SMIM14: variants seen among roughly 807,000 people sequenced by gnomAD.
SMIM14 encodes chromosome 4 open reading frame 34.
SMIM14 carries 5 observed loss-of-function variants against 12.6 expected under a neutral mutation model. That is an observed-to-expected ratio of 0.40 (90% CI 0.21 to 0.83). The LOEUF is 0.83. SMIM14 is among the 40% of genes least tolerant of loss of function. SMIM14 has a pLI of 0.37. For missense variants in SMIM14, 86 were observed against 119.1 expected, an observed-to-expected ratio of 0.72 and a Z score of 1.29; for synonymous variants, 30 against 40.1, an observed-to-expected ratio of 0.75 and a Z score of 0.95.
At chr4:39,553,473 G>A (rs1006664621) in intron 4 of SMIM14, among the ~76,000 whole-genome samples, 2 of 151,904 alleles carry the variant, frequency 1.3e-5, no homozygotes, top group African/African-American at 2.4e-5. Flanking sequence ...AAGAAAGTAA[G>A]AAAGAAGGCT....
At chr4:39,621,847 C>CT (rs34194983) in intron 1 of SMIM14, among the ~76,000 whole-genome samples, 40,477 of 141,764 alleles carry the variant, frequency 0.29, 6,107 homozygotes, top group Middle Eastern at 0.38. Context: ...TCATGCTTGG[C>CT]TTTTTTTTTT....
chr4:39,608,915 T>C (rs1330832604), intron 1 of SMIM14, among the ~76,000 whole-genome samples: 1 of 152,176 alleles, frequency 6.6e-6, no homozygotes, highest in Non-Finnish European at 1.5e-5. Context: ...AAAACTGTTC[T>C]ATGGTGATAA....
At position 39,548,214 on chromosome 4, in the gene SMIM14, T is replaced by G. The variant is rs1430863029; in HGVS notation, c.*3912A>C. 6.9e-6 allele frequency: 1 copy of G among 143,918 alleles called. No individual in the cohort carries two copies. Among genetic ancestry groups the G allele is most frequent in the Non-Finnish European group, 1.5e-5 (1 of 65,882 alleles). The allele number at this position is 143,918 out of a possible 1,614,324, so 8.9% of individuals were successfully genotyped here. A position where few individuals can be genotyped will look rare whatever the true frequency, so the allele number is the denominator to read the frequency against. On this transcript the variant is annotated 3_prime_UTR_variant, in exon 5 of 5. Coordinates refer to ENST00000295958, the MANE Select transcript of SMIM14 (RefSeq NM_174921.3). Reference sequence around the variant, plus strand: ...GCCACCGTGCCCAGCCTGAAAAAAATCTTTTACTAGAAACAGTTCCAATGT... The same window carrying G: ...GCCACCGTGCCCAGCCTGAAAAAAAGCTTTTACTAGAAACAGTTCCAATGT...
chr4:39,614,546 T>G (rs1417108428), intron 1 of SMIM14, among the ~76,000 whole-genome samples: 1 of 152,122 alleles, frequency 6.6e-6, no homozygotes, highest in African/African-American at 2.4e-5. Context: ...GGTCTTGAAC[T>G]CTCAACCTCA....
At chr4:39,613,878 C>G (rs2110066627) in intron 1 of SMIM14, among the ~76,000 whole-genome samples, 1 of 152,194 alleles carries the variant, frequency 6.6e-6, no homozygotes, top group Admixed American at 6.5e-5. Context: ...GTCATGAAAA[C>G]ATAAATAGTT....
chr4:39,637,146 A>C (rs892850881), intron 1 of SMIM14, among the ~76,000 whole-genome samples: 5 of 152,244 alleles, frequency 3.3e-5, no homozygotes, highest in Admixed American at 3.3e-4. Context: ...TAAATGCAAA[A>C]AAGTAGTTTA....
In SMIM14 at chr4:39,576,676, ATATATATATTTTTTTTTTTTTTTTTTT is replaced by A. The variant is rs1211764003; in HGVS notation, c.76-4240_76-4214del. ...TGTGTATGTGTATATATATATATAT[ATATATATATTTTTTTTTTTTTTTTTTT>A]TTTTTTTTTTTTTTTTTTTTTGAGA... On this transcript the variant is annotated intron_variant, in intron 2 of 4. Transcript: ENST00000295958. 3.1e-3 allele frequency among the ~76,000 whole-genome samples: 97 copies of A among 31,052 alleles called. 5 individuals carry two copies. Among genetic ancestry groups the A allele is most frequent in the African/African-American group, 9.1e-3 (93 of 10,194 alleles). 20.4% of individuals were successfully genotyped at this position (31,052 alleles called of 152,430 possible). A position where few individuals can be genotyped will look rare whatever the true frequency, so the allele number is the denominator to read the frequency against.
chr4:39,624,647 A>G (rs956592459), intron 1 of SMIM14, among the ~76,000 whole-genome samples: 8 of 151,564 alleles, frequency 5.3e-5, no homozygotes, highest in Non-Finnish European at 1.0e-4. Context: ...AACATGGTGA[A>G]ACCCCATCTC....
chr4:39,554,195 G>A (rs1165848434), intron 4 of SMIM14, among the ~76,000 whole-genome samples: 1 of 152,154 alleles, frequency 6.6e-6, no homozygotes, highest in Non-Finnish European at 1.5e-5. Context: ...GAATCTGGCC[G>A]GGCATGGTGG....
chr4:39,567,143 G>GAAAAAA (rs1168446466), intron 3 of SMIM14, among the ~76,000 whole-genome samples: 2 of 72,094 alleles, frequency 2.8e-5, no homozygotes, highest in Non-Finnish European at 2.8e-5. Flanking sequence ...CTCAAAAAAA[G>GAAAAAA]AAAAAAAAAA....
At chr4:39,552,942 T>C (rs1711797133) in intron 4 of SMIM14, among the ~76,000 whole-genome samples, 1 of 152,172 alleles carries the variant, frequency 6.6e-6, no homozygotes, top group Non-Finnish European at 1.5e-5. Context: ...TTGGAATTAG[T>C]CTCAACACAT....
intron 2 of SMIM14, among the ~76,000 whole-genome samples, chr4:39,574,958 C>CCT: frequency 6.6e-6 from 1 of 151,944 alleles, no homozygotes; most frequent in South Asian, 2.1e-4. Flanking sequence ...ACATGCTGAA[C>CCT]CTCTCATCTC....
chr4:39,637,599 GAA>G (rs58748053), intron 1 of SMIM14, among the ~76,000 whole-genome samples: 332 of 140,300 alleles, frequency 2.4e-3, no homozygotes, highest in African/African-American at 8.1e-3. Flanking sequence ...CACCACGTTG[GAA>G]AAAAAAAAAA....
intron 2 of SMIM14, among the ~76,000 whole-genome samples, chr4:39,576,991 A>G (rs1713231531): frequency 6.6e-6 from 1 of 151,602 alleles, no homozygotes; most frequent in Non-Finnish European, 1.5e-5. Flanking sequence ...GATTACAGTC[A>G]TGAGCCACCA....
At chr4:39,628,479 C>T (rs1052339691) in intron 1 of SMIM14, among the ~76,000 whole-genome samples, 9 of 151,798 alleles carry the variant, frequency 5.9e-5, no homozygotes, top group Non-Finnish European at 1.3e-4. Context: ...TCAAGACCAG[C>T]CGGGCCAACA....
intron 1 of SMIM14, among the ~76,000 whole-genome samples, chr4:39,620,285 C>A (rs1290646284): frequency 6.6e-6 from 1 of 151,896 alleles, no homozygotes; most frequent in Non-Finnish European, 1.5e-5. Flanking sequence ...GGAGACCACC[C>A]TGCCTAACAC....
At chr4:39,569,879 C>T (rs186261049) in intron 3 of SMIM14, among the ~76,000 whole-genome samples, 5 of 152,330 alleles carry the variant, frequency 3.3e-5, no homozygotes, top group Admixed American at 1.3e-4. Flanking sequence ...CACAACCCTA[C>T]AGACTTAATA....
At chr4:39,583,669 T>C (rs1414887346) in intron 2 of SMIM14, among the ~76,000 whole-genome samples, 1 of 152,144 alleles carries the variant, frequency 6.6e-6, no homozygotes, top group South Asian at 2.1e-4. Context: ...ATAACCATTC[T>C]GTTACCATTT....
In SMIM14 at chr4:39,550,051, A is replaced by G. The variant is rs1361455881; in HGVS notation, c.*2075T>C. ...AGAATGTAATCATAATAAAGGGGGG[A>G]AAATACCTTATGAGTATCACAATTG... On this transcript the variant is annotated 3_prime_UTR_variant, in exon 5 of 5. Transcript: ENST00000295958. The G allele has an allele frequency of 1.3e-5, 2 of 152,192 alleles. No homozygotes were observed. Among genetic ancestry groups the G allele is most frequent in the South Asian group, 2.1e-4 (1 of 4,832 alleles). The allele number at this position is 152,192 out of a possible 1,614,324, so 9.4% of individuals were successfully genotyped here. A position where few individuals can be genotyped will look rare whatever the true frequency, so the allele number is the denominator to read the frequency against.
Sources: gnomAD v4.1 joint callset for allele counts (sites outside exome capture counted in the v4.1 genomes callset) on GRCh38, gnomAD v4.1.1 for gene constraint, MANE v1.5 for transcripts, NCBI Gene and HGNC (gene_info 2026-07-23, HGNC 2026-07-21) for gene names.